ARHGAP32: variants seen among roughly 807,000 people sequenced by gnomAD.
ARHGAP32 encodes rho GTPase-activating protein 32.
In ARHGAP32, 51 loss-of-function variants were observed where a neutral mutation model predicts 186.5. The ratio of observed to expected loss-of-function variants is 0.27; its 90% confidence interval spans 0.22 to 0.35. ARHGAP32 has a LOEUF of 0.35. Ranked by LOEUF, ARHGAP32 falls within the 10% of genes least tolerant of loss-of-function variation. ARHGAP32 has a pLI of 1.00. For missense variants in ARHGAP32, 2,186 were observed against 2,623.5 expected, an observed-to-expected ratio of 0.83 and a Z score of 3.64; for synonymous variants, 950 against 964.3, an observed-to-expected ratio of 0.99 and a Z score of 0.27.
chr11:129,041,151 C>T, intron 10 of ARHGAP32, 142 bp from the exon 11 acceptor site: 1 of 499,338 alleles, frequency 2.0e-6, no homozygotes, highest in Non-Finnish European at 3.6e-6. Context: ...ACAGATGATG[C>T]CAATTACACA....
chr11:129,064,168 TA>T, intron 8 of ARHGAP32, 144 bp from the exon 9 acceptor site: 1 of 669,566 alleles, frequency 1.5e-6, no homozygotes, highest in Non-Finnish European at 2.3e-6. Context: ...TACTGGGTAG[TA>T]AAAATATGCT....
chr11:129,177,437 C>T (rs371422971), intron 1 of ARHGAP32, among the ~76,000 whole-genome samples: 11 of 152,186 alleles, frequency 7.2e-5, no homozygotes, highest in Middle Eastern at 6.8e-3. Flanking sequence ...ACTCATTTTA[C>T]GAGGCCAGCA....
At chr11:129,199,675 A>G (rs1480290923) in intron 1 of ARHGAP32, among the ~76,000 whole-genome samples, 3 of 152,258 alleles carry the variant, frequency 2.0e-5, no homozygotes, top group Admixed American at 1.3e-4. Flanking sequence ...GGCCCTCCTG[A>G]AAACCTCTGC....
chr11:129,194,936 G>A (rs1465227796), upstream of ARHGAP32, among the ~76,000 whole-genome samples: 3 of 121,064 alleles, frequency 2.5e-5, no homozygotes, highest in African/African-American at 6.4e-5. Context: ...CCTTCAAAGT[G>A]TTGTTTTTTT....
At chr11:129,182,753 C>A (rs2135535710) in intron 1 of ARHGAP32, among the ~76,000 whole-genome samples, 1 of 151,836 alleles carries the variant, frequency 6.6e-6, no homozygotes, top group Non-Finnish European at 1.5e-5. Flanking sequence ...AAGAGATCCT[C>A]CCACTTCAGT....
At chr11:129,182,855 C>A (rs1944085238) in intron 1 of ARHGAP32, among the ~76,000 whole-genome samples, 1 of 151,930 alleles carries the variant, frequency 6.6e-6, no homozygotes, top group South Asian at 2.1e-4. Flanking sequence ...GCTATGTTGA[C>A]TAGGCTGGTT....
At chr11:129,267,188 C>T (rs1452077347) in intron 1 of ARHGAP32, among the ~76,000 whole-genome samples, 1 of 152,018 alleles carries the variant, frequency 6.6e-6, no homozygotes, top group Non-Finnish European at 1.5e-5. Context: ...GGTGAAACCC[C>T]GTCTCTCTAA....
At chr11:129,174,912 C>G (rs1943877300) in intron 1 of ARHGAP32, among the ~76,000 whole-genome samples, 1 of 147,018 alleles carries the variant, frequency 6.8e-6, no homozygotes, top group Non-Finnish European at 1.5e-5. Context: ...AACGCAGTTC[C>G]TCACCAGCAA....
At chr11:129,266,814 T>C (rs999803509) in intron 1 of ARHGAP32, among the ~76,000 whole-genome samples, 1 of 152,172 alleles carries the variant, frequency 6.6e-6, no homozygotes, top group African/African-American at 2.4e-5. Flanking sequence ...TGTGCCCATC[T>C]GCAGCCTACG....
chr11:129,041,708 A>G (rs1939599651), intron 10 of ARHGAP32, among the ~76,000 whole-genome samples: 1 of 152,218 alleles, frequency 6.6e-6, no homozygotes, highest in Admixed American at 6.5e-5. Flanking sequence ...TGCTTTTGGC[A>G]TTGTAACAAG....
intron 15 of ARHGAP32, among the ~76,000 whole-genome samples, chr11:128,984,284 A>C (rs1360986540): frequency 6.6e-6 from 1 of 151,952 alleles, no homozygotes; most frequent in Non-Finnish European, 1.5e-5. Context: ...CTGAGGTGGG[A>C]GAATCACTTG....
At chr11:129,057,507 T>C (rs951079579) in intron 10 of ARHGAP32, among the ~76,000 whole-genome samples, 1 of 152,020 alleles carries the variant, frequency 6.6e-6, no homozygotes, top group Non-Finnish European at 1.5e-5. Flanking sequence ...AAATTCATAA[T>C]GTTGAATTCC....
chr11:129,261,435 G>A (rs754885446), intron 1 of ARHGAP32, among the ~76,000 whole-genome samples: 45 of 152,104 alleles, frequency 3.0e-4, no homozygotes, highest in Admixed American at 4.6e-4. Flanking sequence ...ATCTGGGTAA[G>A]CCTAATCCAA....
intron 1 of ARHGAP32, among the ~76,000 whole-genome samples, chr11:129,174,091 G>T: frequency 6.6e-6 from 1 of 152,308 alleles, no homozygotes; most frequent in East Asian, 1.9e-4. Context: ...CGCGCACCGT[G>T]CACAAGCCAA....
At chr11:129,192,787 C>T (rs74851677), upstream of ARHGAP32, among the ~76,000 whole-genome samples, 1,702 of 152,284 alleles carry the variant, frequency 0.011, 11 homozygotes, top group Non-Finnish European at 0.019. Context: ...CCATATGCAT[C>T]TCTGCTCAAG....
intron 1 of ARHGAP32, among the ~76,000 whole-genome samples, chr11:129,171,609 C>T (rs982386676): frequency 6.6e-6 from 1 of 152,146 alleles, no homozygotes; most frequent in African/African-American, 2.4e-5. Flanking sequence ...TAGCGTGATG[C>T]CTCCAGCTTT....
chr11:129,268,481 G>A (rs1218300553), intron 1 of ARHGAP32, among the ~76,000 whole-genome samples: 2 of 151,996 alleles, frequency 1.3e-5, no homozygotes. Context: ...AAGGAATTCT[G>A]ATATTAGAGA....
chr11:129,244,225 C>A (rs1945056486), intron 1 of ARHGAP32, among the ~76,000 whole-genome samples: 1 of 152,048 alleles, frequency 6.6e-6, no homozygotes, highest in South Asian at 2.1e-4. Context: ...AGAGTGAGAA[C>A]CCTGTCTCAG....
In ARHGAP32 at chr11:128,967,923, GCTTT is replaced by G. The variant is rs1565341989; in HGVS notation, c.*980_*983del. 2 of 132,884 alleles carry G rather than the reference GCTTT, an allele frequency of 1.5e-5. No individual in the cohort carries two copies. Among genetic ancestry groups the G allele is most frequent in the Non-Finnish European group, 1.6e-5 (1 of 63,380 alleles). The allele number at this position is 132,884 out of a possible 1,614,324, so 8.2% of individuals were successfully genotyped here. On this transcript the variant is annotated 3_prime_UTR_variant, in exon 23 of 23. Transcript: ENST00000682385. The stretch of plus-strand genomic sequence containing the variant: ...TGTCTATCCAGTCAAACCATGCTGG[GCTTT>G]TTTTTTTTTTTTTTTTTTTAATGAA...
Sources: gnomAD v4.1 joint callset for allele counts (sites outside exome capture counted in the v4.1 genomes callset) on GRCh38, gnomAD v4.1.1 for gene constraint, MANE v1.5 for transcripts, NCBI Gene and HGNC (gene_info 2026-07-23, HGNC 2026-07-21) for gene names.